The following NEGR1 variants were observed in gnomAD, a reference collection of about 807,000 sequenced individuals.
NEGR1 encodes neuronal growth regulator 1.
A neutral mutation model predicts 40.9 loss-of-function variants in NEGR1; 10 were observed. The ratio of observed to expected loss-of-function variants is 0.24; its 90% CI spans 0.15 to 0.42. The LOEUF is 0.42. Ranked by LOEUF, NEGR1 falls within the 10% of genes least tolerant of loss-of-function variation. The pLI is 1.00. For missense variants in NEGR1, 352 were observed against 438.9 expected (o/e 0.80, Z 1.77); for synonymous variants, 185 against 166.8 (o/e 1.11, Z -0.84).
intron 3 of NEGR1, among the ~76,000 whole-genome samples, chr1:71,701,810 T>A (rs1653705971): frequency 6.6e-6 from 1 of 152,058 alleles, no homozygotes; most frequent in Non-Finnish European, 1.5e-5. Flanking sequence ...ATTTATAAAT[T>A]GCTGAAGTTA....
intron 1 of NEGR1, among the ~76,000 whole-genome samples, chr1:72,047,844 T>C (rs1647016530): frequency 6.6e-6 from 1 of 151,576 alleles, no homozygotes. Flanking sequence ...TTACTACACA[T>C]TGGTAGACAT....
At chr1:71,778,107 T>C (rs936009182) in intron 2 of NEGR1, among the ~76,000 whole-genome samples, 1 of 151,952 alleles carries the variant, frequency 6.6e-6, no homozygotes, top group African/African-American at 2.4e-5. Context: ...TAAAAGTATA[T>C]TTTAGATATT....
chr1:71,403,903 A>G lies in NEGR1; in HGVS notation c.*3543T>C, dbSNP rs552655980. 2 of 380,838 alleles carry G rather than the reference A, an allele frequency of 5.3e-6. No homozygotes were observed. The highest frequency in any genetic ancestry group is 9.4e-6 in the Non-Finnish European group (2 of 213,330). The allele number at this position is 380,838 out of a possible 1,614,324, so 23.6% of individuals were successfully genotyped here. A position where few individuals can be genotyped will look rare whatever the true frequency, so the allele number is the denominator to read the frequency against. On this transcript the variant is annotated 3_prime_UTR_variant, in exon 7 of 7. Transcript: ENST00000357731. ...TAAGGCATACCATTTATTCATATTC[A>G]TATCTATTGAAATACTGTACATCCA...
chr1:71,650,174 T>A (rs898857556), intron 4 of NEGR1, among the ~76,000 whole-genome samples: 2 of 151,982 alleles, frequency 1.3e-5, no homozygotes, highest in African/African-American at 2.4e-5. Flanking sequence ...CCACTTATAC[T>A]CTTAGAGGTG....
At chr1:71,610,939 T>G (rs567510565) in intron 5 of NEGR1, 87 bp downstream of exon 5, 1 of 1,389,870 alleles carries the variant, frequency 7.2e-7, no homozygotes, top group African/African-American at 1.4e-5. Context: ...TCAAGCCAGT[T>G]AAAGAAATTG....
intron 1 of NEGR1, among the ~76,000 whole-genome samples, chr1:71,997,942 A>C (rs184738378): frequency 2.0e-5 from 3 of 152,112 alleles, no homozygotes; most frequent in East Asian, 3.9e-4. Context: ...CATACCAGGT[A>C]AAATTAACAT....
chr1:72,166,184 G>A (rs1651757909), intron 1 of NEGR1, among the ~76,000 whole-genome samples: 1 of 151,738 alleles, frequency 6.6e-6, no homozygotes, highest in Non-Finnish European at 1.5e-5. Context: ...CTTTAATTTT[G>A]CTACCAAAAA....
At chr1:72,070,404 C>A (rs991284276) in intron 1 of NEGR1, among the ~76,000 whole-genome samples, 2 of 151,752 alleles carry the variant, frequency 1.3e-5, no homozygotes, top group African/African-American at 2.4e-5. Context: ...AATTTAAAGT[C>A]CTGTCAATAT....
chr1:71,820,743 C>A (rs1658401682), intron 2 of NEGR1, among the ~76,000 whole-genome samples: 1 of 151,948 alleles, frequency 6.6e-6, no homozygotes. Flanking sequence ...TGTCCCTGAA[C>A]CTGCTCCTTC....
intron 3 of NEGR1, among the ~76,000 whole-genome samples, chr1:71,723,056 T>A (rs938544397): frequency 6.6e-6 from 1 of 152,074 alleles, no homozygotes; most frequent in Non-Finnish European, 1.5e-5. Flanking sequence ...GTAATTTTTA[T>A]CTTTGTTCCT....
chr1:72,157,184 C>T (rs188405925), intron 1 of NEGR1, among the ~76,000 whole-genome samples: 3 of 152,056 alleles, frequency 2.0e-5, no homozygotes, highest in East Asian at 1.9e-4. Context: ...TTGCTCAGGC[C>T]GGCCTCAAAC....
intron 6 of NEGR1, among the ~76,000 whole-genome samples, chr1:71,432,308 T>A (rs1411454467): frequency 6.6e-6 from 1 of 152,194 alleles, no homozygotes; most frequent in Non-Finnish European, 1.5e-5. Flanking sequence ...TTTAAAGAAA[T>A]TATTTTATTG....
chr1:72,170,625 A>G (rs138885895), intron 1 of NEGR1, among the ~76,000 whole-genome samples: 198 of 152,316 alleles, frequency 1.3e-3, no homozygotes, highest in Non-Finnish European at 2.1e-3. Context: ...TTGATTTTCA[A>G]TGAGCAACAG....
chr1:71,851,947 G>T (rs1057238122), intron 2 of NEGR1, among the ~76,000 whole-genome samples: 11 of 152,068 alleles, frequency 7.2e-5, no homozygotes, highest in African/African-American at 2.4e-4. Flanking sequence ...CAAGGTTCTT[G>T]GGAAGATGTA....
intron 1 of NEGR1, among the ~76,000 whole-genome samples, chr1:72,202,626 C>G (rs963283801): frequency 5.3e-5 from 8 of 151,946 alleles, no homozygotes; most frequent in East Asian, 3.9e-4. Context: ...TTCCCTTAAA[C>G]CAAAGCTTAA....
At chr1:71,514,456 AG>A (rs1401934557) in intron 6 of NEGR1, among the ~76,000 whole-genome samples, 2 of 92,896 alleles carry the variant, frequency 2.2e-5, no homozygotes, top group South Asian at 4.5e-4. Context: ...ACCCCCCAGC[AG>A]GGGCACACTG....
At chr1:71,862,860 C>T (rs1356606073) in intron 2 of NEGR1, among the ~76,000 whole-genome samples, 1 of 152,124 alleles carries the variant, frequency 6.6e-6, no homozygotes, top group Non-Finnish European at 1.5e-5. Context: ...GTCAACGTCA[C>T]TGATCATTAG....
intron 3 of NEGR1, among the ~76,000 whole-genome samples, chr1:71,765,368 A>G (rs1053905573): frequency 6.6e-6 from 1 of 152,216 alleles, no homozygotes; most frequent in Admixed American, 6.5e-5. Context: ...AACAAGCAGG[A>G]TGCAGAAAAA....
intron 1 of NEGR1, among the ~76,000 whole-genome samples, chr1:72,264,924 T>C (rs1655591347): frequency 6.6e-6 from 1 of 150,860 alleles, no homozygotes; most frequent in Non-Finnish European, 1.5e-5. Context: ...ATTATTTTAT[T>C]TATGTCATTT....
Sources: gnomAD v4.1 joint callset for allele counts (sites outside exome capture counted in the v4.1 genomes callset) on GRCh38, gnomAD v4.1.1 for gene constraint, MANE v1.5 for transcripts, NCBI Gene and HGNC (gene_info 2026-07-23, HGNC 2026-07-21) for gene names.